XKR4: variants seen among roughly 807,000 people sequenced by gnomAD.
The protein encoded by XKR4 is XK-related protein 4.
XKR4 carries 12 observed loss-of-function variants against 53.9 expected under a neutral mutation model. The observed-to-expected ratio is 0.22, with a 90% CI of 0.14 to 0.36. XKR4 has a LOEUF of 0.36. Ranked by LOEUF, XKR4 falls within the 10% of genes least tolerant of loss-of-function variation. The pLI is 1.00. For missense variants in XKR4, 799 were observed against 859.5 expected (o/e 0.93, Z 0.88); for synonymous variants, 354 against 362.4 (o/e 0.98, Z 0.26).
intron 2 of XKR4, among the ~76,000 whole-genome samples, chr8:55,445,489 G>A (rs899051098): frequency 3.3e-5 from 5 of 152,130 alleles, no homozygotes; most frequent in East Asian, 1.9e-4. Flanking sequence ...CCATTAATAT[G>A]AGAGTTTTCC....
chr8:55,465,218 G>T (rs1481926903), intron 2 of XKR4, among the ~76,000 whole-genome samples: 1 of 152,228 alleles, frequency 6.6e-6, no homozygotes, highest in African/African-American at 2.4e-5. Context: ...GAGGCATCAT[G>T]CTACCTGACT....
At chr8:55,139,940 T>G (rs2129354068) in intron 1 of XKR4, 1 of 221,292 alleles carries the variant, frequency 4.5e-6, no homozygotes, top group Non-Finnish European at 9.2e-6. Flanking sequence ...ATATCCTTAA[T>G]TTACCAAGTT....
chr8:55,451,992 C>T (rs1805455592), intron 2 of XKR4: 2 of 773,660 alleles, frequency 2.6e-6, no homozygotes, highest in Admixed American at 1.7e-5. Flanking sequence ...GACATGCTGC[C>T]GCCCGATGGT....
intron 2 of XKR4, among the ~76,000 whole-genome samples, chr8:55,485,026 T>A (rs540342430): frequency 6.6e-5 from 10 of 152,214 alleles, no homozygotes; most frequent in Non-Finnish European, 8.8e-5. Context: ...TATGATCATA[T>A]CAACTGAGGC....
At chr8:55,147,033 C>G (rs537553885) in intron 1 of XKR4, among the ~76,000 whole-genome samples, 4 of 152,322 alleles carry the variant, frequency 2.6e-5, no homozygotes, top group Admixed American at 2.6e-4. Flanking sequence ...AATTTGGGCA[C>G]TTTATTAAAG....
chr8:55,481,015 C>A (rs1405057177), intron 2 of XKR4, among the ~76,000 whole-genome samples: 1 of 152,122 alleles, frequency 6.6e-6, no homozygotes, highest in African/African-American at 2.4e-5. Flanking sequence ...ATCAAGCTAC[C>A]AATGACTTTC....
At chr8:55,360,296 T>C (rs964182216) in intron 2 of XKR4, among the ~76,000 whole-genome samples, 6 of 152,198 alleles carry the variant, frequency 3.9e-5, no homozygotes, top group African/African-American at 7.2e-5. Flanking sequence ...CTTTTGCATT[T>C]TGAAGAGAAA....
At chr8:55,356,803 G>A (rs1803801997) in intron 1 of XKR4, among the ~76,000 whole-genome samples, 1 of 152,000 alleles carries the variant, frequency 6.6e-6, no homozygotes, top group Admixed American at 6.6e-5. Context: ...CTACTTACAG[G>A]CAAATTTTAT....
rs746835844 is a variant in XKR4, at chr8:55,527,275, G to A, written c.*3048G>A. 17 of 152,088 alleles carry A rather than the reference G, an allele frequency of 1.1e-4. No individual in the cohort carries two copies. Among genetic ancestry groups the A allele is most frequent in the East Asian group, 1.9e-4 (1 of 5,180 alleles). The allele number at this position is 152,088 out of a possible 1,614,324, so 9.4% of individuals were successfully genotyped here. Reference sequence around the variant, plus strand: ...TTTTCAATCTGCCATTAAACCCTCCGCAGACAGTAACTGGAGAATCCCAAA... The same window carrying A: ...TTTTCAATCTGCCATTAAACCCTCCACAGACAGTAACTGGAGAATCCCAAA... On this transcript the variant is annotated 3_prime_UTR_variant, in exon 3 of 3. Transcript: ENST00000327381.
intron 1 of XKR4, among the ~76,000 whole-genome samples, chr8:55,235,108 A>G (rs1818100834): frequency 6.6e-6 from 1 of 152,214 alleles, no homozygotes; most frequent in Non-Finnish European, 1.5e-5. Flanking sequence ...AATCTGTTCC[A>G]TGCTTTGCTC....
chr8:55,322,951 A>G (rs974717788), intron 1 of XKR4, among the ~76,000 whole-genome samples: 7 of 152,216 alleles, frequency 4.6e-5, no homozygotes, highest in African/African-American at 1.7e-4. Context: ...TGTTGTAAAA[A>G]TAGTCATCTT....
At chr8:55,230,363 C>CTTT (rs5891564) in intron 1 of XKR4, among the ~76,000 whole-genome samples, 77,574 of 138,164 alleles carry the variant, frequency 0.56, 24,282 homozygotes, top group East Asian at 0.73. Context: ...GAAAGAGACA[C>CTTT]TTTTTTTTTT....
At chr8:55,483,469 A>G (rs1806144242) in intron 2 of XKR4, among the ~76,000 whole-genome samples, 1 of 152,168 alleles carries the variant, frequency 6.6e-6, no homozygotes, top group African/African-American at 2.4e-5. Context: ...AGAAGTAATG[A>G]GAAATGGGGC....
At chr8:55,448,957 TAA>T (rs1439657436) in intron 2 of XKR4, among the ~76,000 whole-genome samples, 2 of 152,170 alleles carry the variant, frequency 1.3e-5, no homozygotes, top group Non-Finnish European at 2.9e-5. Context: ...CTTACATATC[TAA>T]AAGAGCATTT....
intron 2 of XKR4, among the ~76,000 whole-genome samples, chr8:55,507,386 A>T (rs955963512): frequency 1.3e-5 from 2 of 151,840 alleles, no homozygotes; most frequent in Admixed American, 1.3e-4. Context: ...GTTTTAGGGT[A>T]CATGTGCACA....
chr8:55,292,214 T>G (rs1020604339), intron 1 of XKR4, among the ~76,000 whole-genome samples: 8 of 152,190 alleles, frequency 5.3e-5, no homozygotes, highest in African/African-American at 1.9e-4. Context: ...AAGGGTTCTC[T>G]TCTATATTTT....
chr8:55,315,458 G>C (rs1315154088), intron 1 of XKR4, among the ~76,000 whole-genome samples: 4 of 152,192 alleles, frequency 2.6e-5, no homozygotes, highest in Admixed American at 6.5e-5. Flanking sequence ...GGAGAGGGCT[G>C]TTGCTGGCAC....
At position 55,524,349 on chromosome 8, in the gene XKR4, T is replaced by A; in HGVS notation, c.*122T>A. On this transcript the variant is annotated 3_prime_UTR_variant, in exon 3 of 3. Coordinates refer to ENST00000327381, the MANE Select transcript of XKR4 (RefSeq NM_052898.2). ...CGTGAAGTTCCTAGTGGGACCGTCA[T>A]CACCATTATCATTTGATCCTGTCGG... 1.1e-6 allele frequency: 1 copy of A among 950,700 alleles called. No individual in the cohort carries two copies. The highest frequency in any genetic ancestry group is 1.7e-5 in the African/African-American group (1 of 60,414). 58.9% of individuals were successfully genotyped at this position (950,700 alleles called of 1,614,324 possible).
chr8:55,486,543 T>C (rs984907832), intron 2 of XKR4, among the ~76,000 whole-genome samples: 2 of 152,232 alleles, frequency 1.3e-5, no homozygotes, highest in African/African-American at 4.8e-5. Context: ...AAAGATGATA[T>C]ATATGGCATA....
Sources: allele counts gnomAD v4.1 joint callset (sites outside exome capture counted in the v4.1 genomes callset), GRCh38; gene constraint gnomAD v4.1.1; transcripts MANE v1.5; gene names NCBI Gene and HGNC (gene_info 2026-07-23, HGNC 2026-07-21).